RBFOX1: variants seen among roughly 807,000 people sequenced by gnomAD.
The protein encoded by RBFOX1 is RNA binding fox-1 homolog 1.
Under a neutral mutation model 57.7 loss-of-function variants are expected in RBFOX1, and 8 were observed. That is an observed-to-expected ratio of 0.14 (90% CI 0.08 to 0.25). RBFOX1 has a LOEUF of 0.25. Ranked by LOEUF, RBFOX1 falls within the 10% of genes least tolerant of loss-of-function variation. The probability of loss-of-function intolerance (pLI) is 1.00; values close to 1 mark genes in which losing one functional copy is unlikely to be tolerated. For missense variants in RBFOX1, 611 were observed against 548.5 expected (o/e 1.11, Z -1.14); for synonymous variants, 326 against 222.4 (o/e 1.47, Z -4.15).
intron 2 of RBFOX1, among the ~76,000 whole-genome samples, chr16:6,540,202 C>T (rs1285988408): frequency 1.3e-5 from 2 of 151,908 alleles, no homozygotes; most frequent in Non-Finnish European, 2.9e-5. Context: ...GTTAATGATT[C>T]TTCATTACTT....
At position 6,808,160 on chromosome 16, in the gene RBFOX1, A is replaced by ATGTGTGTGTGTG. The variant is rs373756020; in HGVS notation, c.-16+153518_-16+153529dup. ...ATAATATGCATATTATACCTTATAT[A>ATGTGTGTGTGTG]TGTGTGTGTGTGTGTGTGTATATAT... is the stretch of plus-strand genomic sequence containing the variant. On this transcript the variant is annotated intron_variant, in intron 3 of 15. Coordinates refer to ENST00000550418, the MANE Select transcript of RBFOX1 (RefSeq NM_018723.4). Among the ~76,000 whole-genome samples, 128 of 140,108 alleles carry ATGTGTGTGTGTG rather than the reference A, an allele frequency of 9.1e-4. 1 individual carries two copies. The highest frequency in any genetic ancestry group is 3.4e-3 in the African/African-American group (123 of 36,568). 91.9% of individuals were successfully genotyped at this position (140,108 alleles called of 152,430 possible).
chr16:7,530,394 T>C (rs1185064721), intron 5 of RBFOX1, among the ~76,000 whole-genome samples: 1 of 152,186 alleles, frequency 6.6e-6, no homozygotes, highest in Non-Finnish European at 1.5e-5. Context: ...AGAAGCACGC[T>C]GAGCTGTACA....
chr16:7,431,756 G>T (rs1418446639), intron 4 of RBFOX1, among the ~76,000 whole-genome samples: 1 of 152,146 alleles, frequency 6.6e-6, no homozygotes, highest in Non-Finnish European at 1.5e-5. Context: ...ACATGGAGAG[G>T]TTAAGTGGCC....
intron 3 of RBFOX1, among the ~76,000 whole-genome samples, chr16:5,648,272 G>A (rs1159500374): frequency 6.6e-6 from 1 of 152,214 alleles, no homozygotes; most frequent in Non-Finnish European, 1.5e-5. Flanking sequence ...CGGAGCCTCA[G>A]TTTTCACATC....
chr16:7,544,269 C>T (rs1217794183), intron 5 of RBFOX1, among the ~76,000 whole-genome samples: 1 of 152,126 alleles, frequency 6.6e-6, no homozygotes, highest in East Asian at 1.9e-4. Context: ...ACGTTGGAGT[C>T]AGGTCATTGT....
chr16:7,091,725 G>A (rs1259394578), intron 4 of RBFOX1, among the ~76,000 whole-genome samples: 1 of 152,138 alleles, frequency 6.6e-6, no homozygotes, highest in Non-Finnish European at 1.5e-5. Context: ...AGTACTGGGG[G>A]AGCCTCCTCT....
At position 5,579,831 on chromosome 16, in the gene RBFOX1, C is replaced by T. The variant is rs117736825; in HGVS notation, c.259-19071C>T. On this transcript the variant is annotated intron_variant, in intron 2 of 2. Transcript: ENST00000585867. Reference sequence around the variant, plus strand: ...CTGGGGTGCAGTCACTCGATCTCAGCTCACTGCAACCTCCGCCTCCCGGGT... The same window carrying T: ...CTGGGGTGCAGTCACTCGATCTCAGTTCACTGCAACCTCCGCCTCCCGGGT... Among the ~76,000 whole-genome samples the T allele has an allele frequency of 1.5e-4, 23 of 151,922 alleles. No homozygotes were observed. In the East Asian group the frequency reaches 4.5e-3, roughly 29 times the overall value.
intron 1 of RBFOX1, among the ~76,000 whole-genome samples, chr16:5,295,517 T>A (rs1186178247): frequency 1.3e-5 from 2 of 152,170 alleles, no homozygotes; most frequent in African/African-American, 4.8e-5. Context: ...TGACGGGTGA[T>A]TGATCTGCTT....
chr16:6,380,427 TTTTTTTTTTTTTTTTTTTTA>T (rs2091686787), intron 2 of RBFOX1, among the ~76,000 whole-genome samples: 12 of 59,656 alleles, frequency 2.0e-4, no homozygotes, highest in African/African-American at 6.5e-4. Flanking sequence ...TTTTTTTTTT[TTTTTTTTTTTTTTTTTTTTA>T]GTAGAACTCA....
At chr16:6,342,751 A>G (rs940896382) in intron 2 of RBFOX1, among the ~76,000 whole-genome samples, 6 of 152,172 alleles carry the variant, frequency 3.9e-5, no homozygotes, top group African/African-American at 1.2e-4. Flanking sequence ...GCGTATCTCC[A>G]AATTTGGAGA....
At chr16:7,343,238 C>T (rs1239855600) in intron 4 of RBFOX1, among the ~76,000 whole-genome samples, 1 of 152,198 alleles carries the variant, frequency 6.6e-6, no homozygotes, top group Non-Finnish European at 1.5e-5. Flanking sequence ...CGTCACTGGG[C>T]AGCTTATGGG....
At chr16:6,863,323 G>A (rs1172212157) in intron 3 of RBFOX1, among the ~76,000 whole-genome samples, 1 of 152,062 alleles carries the variant, frequency 6.6e-6, no homozygotes, top group Non-Finnish European at 1.5e-5. Flanking sequence ...AGATGAATGG[G>A]TAGAGACAAA....
At chr16:5,899,498 C>A (rs1053236649) in intron 4 of RBFOX1, among the ~76,000 whole-genome samples, 1 of 152,154 alleles carries the variant, frequency 6.6e-6, no homozygotes, top group Non-Finnish European at 1.5e-5. Flanking sequence ...GAATTCTCTG[C>A]TTGACTAGCT....
intron 4 of RBFOX1, among the ~76,000 whole-genome samples, chr16:7,249,313 G>C (rs554193836): frequency 1.3e-5 from 2 of 151,922 alleles, no homozygotes; most frequent in African/African-American, 4.8e-5. Context: ...TGAAAGTGGT[G>C]CAATAGAGAA....
At chr16:6,280,709 G>A (rs1380605895) in intron 1 of RBFOX1, among the ~76,000 whole-genome samples, 3 of 152,040 alleles carry the variant, frequency 2.0e-5, no homozygotes, top group African/African-American at 7.2e-5. Flanking sequence ...GAGAGAATGA[G>A]GGTTGGAAAC....
chr16:6,799,280 C>A (rs1046098648), intron 3 of RBFOX1, among the ~76,000 whole-genome samples: 5 of 152,066 alleles, frequency 3.3e-5, no homozygotes, highest in African/African-American at 1.2e-4. Flanking sequence ...GAGTAGCACT[C>A]CTGGATTGTT....
At chr16:5,462,301 T>G (rs1042329760) in intron 1 of RBFOX1, among the ~76,000 whole-genome samples, 2 of 151,760 alleles carry the variant, frequency 1.3e-5, no homozygotes, top group African/African-American at 4.8e-5. Context: ...CCCGAGTAGC[T>G]GGGACTACAG....
intron 4 of RBFOX1, among the ~76,000 whole-genome samples, chr16:7,142,862 T>A (rs989033722): frequency 1.3e-5 from 2 of 151,944 alleles, no homozygotes; most frequent in African/African-American, 4.8e-5. Context: ...AATTTTCTCT[T>A]ATTTTTCTTC....
intron 3 of RBFOX1, among the ~76,000 whole-genome samples, chr16:5,615,081 C>T (rs1274685077): frequency 6.6e-6 from 1 of 152,206 alleles, no homozygotes; most frequent in Non-Finnish European, 1.5e-5. Flanking sequence ...GTTACCCAGG[C>T]TGGCATGCAG....
Sources: allele counts gnomAD v4.1 joint callset (sites outside exome capture counted in the v4.1 genomes callset), GRCh38; gene constraint gnomAD v4.1.1; transcripts MANE v1.5; gene names NCBI Gene and HGNC (gene_info 2026-07-23, HGNC 2026-07-21).